Variants in ZNF737 observed in about 807,000 individuals in gnomAD.
The protein encoded by ZNF737 is zinc finger protein 102 (Y3).
A neutral mutation model predicts 11.7 loss-of-function variants in ZNF737; 13 were observed. The ratio of observed to expected loss-of-function variants is 1.11; its 90% CI spans 0.73 to 1.77. The LOEUF (loss-of-function observed/expected upper bound fraction) is 1.77. ZNF737 is among the 40% of genes most tolerant of loss of function. The pLI is 0.00. For synonymous variants in ZNF737, 217 were observed against 216.2 expected (o/e 1.00, Z -0.03); for missense variants, 636 against 638.0 (o/e 1.00, Z 0.03).
intron 3 of ZNF737, among the ~76,000 whole-genome samples, chr19:20,549,732 C>T (rs989840293): frequency 8.1e-6 from 1 of 123,344 alleles, no homozygotes; most frequent in Non-Finnish European, 1.8e-5. Context: ...GAGTTCAAGA[C>T]CAGCCTGGCC....
In ZNF737 at chr19:20,542,626, TTG is replaced by T. The variant is rs1968260957; in HGVS notation, c.*1964_*1965del. The T allele has an allele frequency of 2.4e-5, 23 of 974,084 alleles. No individual in the cohort carries two copies. The Admixed American group carries it at 3.1e-4, about 13-fold the overall frequency. The allele number at this position is 974,084 out of a possible 1,614,324, so 60.3% of individuals were successfully genotyped here. ...TTTTAATATACTTTTAATTATTTCT[TTG>T]TGTCACTATAATAAAGTATTGCTCT... On this transcript the variant is annotated 3_prime_UTR_variant, in exon 4 of 4. Coordinates refer to ENST00000427401, the MANE Select transcript of ZNF737 (RefSeq NM_001159293.2).
downstream of ZNF737, among the ~76,000 whole-genome samples, chr19:20,531,310 T>G (rs1967822949): frequency 6.7e-6 from 1 of 148,356 alleles, no homozygotes; most frequent in African/African-American, 2.5e-5. Flanking sequence ...TTCGAACGCC[T>G]CCAACACTAT....
intron 3 of ZNF737, chr19:20,551,243 T>A (rs574351682): frequency 2.0e-5 from 3 of 152,000 alleles, no homozygotes; most frequent in African/African-American, 7.2e-5. Flanking sequence ...CTTGCCAACA[T>A]GGTGAAACCC....
chr19:20,534,250 T>A (rs1236257001), downstream of ZNF737, among the ~76,000 whole-genome samples: 1 of 150,042 alleles, frequency 6.7e-6, no homozygotes, highest in Non-Finnish European at 1.5e-5. Context: ...GAGACCAGTC[T>A]GGCCAATACA....
downstream of ZNF737, among the ~76,000 whole-genome samples, chr19:20,534,666 A>T (rs187610202): frequency 1.6e-3 from 235 of 150,234 alleles, 14 homozygotes; most frequent in Non-Finnish European, 2.7e-3. Context: ...ATACATATCA[A>T]AAAATCTACT....
At position 20,544,031 on chromosome 19, in the gene ZNF737, G is replaced by A. The variant is rs1555755748; in HGVS notation, c.*561C>T. 1.4e-6 allele frequency: 1 copy of A among 690,726 alleles called. No individual in the cohort carries two copies. The highest frequency in any genetic ancestry group is 1.8e-6 in the Non-Finnish European group (1 of 561,248). 42.8% of individuals were successfully genotyped at this position (690,726 alleles called of 1,614,324 possible). On this transcript the variant is annotated 3_prime_UTR_variant, in exon 4 of 4. Coordinates refer to ENST00000427401, the MANE Select transcript of ZNF737 (RefSeq NM_001159293.2). ...TAATCCCAGCTACTCAGGAAGCTGA[G>A]GTAGGAGAATGGCTTAAACCCAGGA... is the stretch of plus-strand genomic sequence containing the variant.
intron 1 of ZNF737, among the ~76,000 whole-genome samples, chr19:20,558,654 G>A (rs903372081): frequency 6.6e-6 from 1 of 152,102 alleles, no homozygotes; most frequent in Non-Finnish European, 1.5e-5. Context: ...ATGAGGGGAT[G>A]AAAAAACACA....
downstream of ZNF737, among the ~76,000 whole-genome samples, chr19:20,531,965 TTC>T (rs1334420082): frequency 2.0e-5 from 3 of 150,262 alleles, no homozygotes; most frequent in Non-Finnish European, 4.4e-5. Context: ...GTAGAATTAC[TTC>T]TTTTTTCTTT....
chr19:20,547,641 T>C (rs1156418887), intron 3 of ZNF737, among the ~76,000 whole-genome samples: 3 of 152,080 alleles, frequency 2.0e-5, no homozygotes, highest in Non-Finnish European at 4.4e-5. Flanking sequence ...ATAAAATGCT[T>C]AAACATAAAA....
rs1269836300 is a variant in ZNF737 at position 20,541,095 on chromosome 19, A to G, written c.*3497T>C. 2.0e-6 allele frequency: 2 copies of G among 984,890 alleles called. No homozygotes were observed. Among genetic ancestry groups the G allele is most frequent in the Middle Eastern group, 5.2e-4 (1 of 1,914 alleles). 61.0% of individuals were successfully genotyped at this position (984,890 alleles called of 1,614,324 possible). ...TAGGCAGACTCTGGGGAGAATCCGA[A>G]TCACAGGCCAGAACATTTTATATTA... On this transcript the variant is annotated 3_prime_UTR_variant, in exon 4 of 4. Transcript: ENST00000427401.
chr19:20,537,018 G>A (rs1045069662), downstream of ZNF737, among the ~76,000 whole-genome samples: 4 of 151,982 alleles, frequency 2.6e-5, no homozygotes, highest in Non-Finnish European at 4.4e-5. Flanking sequence ...CAGGAGAATC[G>A]CTTAAACCCG....
chr19:20,534,941 C>T (rs1212609338), downstream of ZNF737, among the ~76,000 whole-genome samples: 33 of 150,094 alleles, frequency 2.2e-4, 1 homozygote, highest in Admixed American at 2.0e-4. Context: ...ATTTTGAAAA[C>T]TTATTTTTTA....
At chr19:20,556,151 C>T (rs1353205942) in intron 1 of ZNF737, among the ~76,000 whole-genome samples, 2 of 152,146 alleles carry the variant, frequency 1.3e-5, no homozygotes, top group African/African-American at 4.8e-5. Flanking sequence ...ACTGACCTGT[C>T]CCTACCAAAC....
Position 20,545,415 on chromosome 19 carries a change from C to G in ZNF737, c.788G>C (p.Gly263Ala). 1.2e-6 allele frequency: 2 copies of G among 1,613,876 alleles called. No individual in the cohort carries two copies. The highest frequency in any genetic ancestry group is 1.7e-6 in the Non-Finnish European group (2 of 1,179,926). The change falls in exon 4 of 4, where the codon GGC becomes GCC. Residue 263 changes from glycine to alanine, a missense_variant. Gly to Ala is a moderately conservative substitution (Grantham distance 60). Coordinates refer to ENST00000427401, the MANE Select transcript of ZNF737 (RefSeq NM_001159293.2). ...GTTAGAGGAGCGCTTAAAGGCCTTG[C>G]CACATTCTTCACATTTGTAGGGTTT... ...GEKPYKCEEC[G>A]KAFKRSSNLT...
intron 1 of ZNF737, among the ~76,000 whole-genome samples, chr19:20,565,262 A>C (rs782046435): frequency 6.6e-6 from 1 of 152,118 alleles, no homozygotes; most frequent in Non-Finnish European, 1.5e-5. Context: ...CAGAAAACAG[A>C]AACTGTGAAC....
At chr19:20,564,744 T>C (rs1399548428) in intron 1 of ZNF737, among the ~76,000 whole-genome samples, 1 of 152,014 alleles carries the variant, frequency 6.6e-6, no homozygotes, top group Non-Finnish European at 1.5e-5. Context: ...GGAAAATCAG[T>C]CCGCTGTGGC....
rs569557060 is a variant in ZNF737 at position 20,544,249 on chromosome 19, T to A, written c.*343A>T. On this transcript the variant is annotated 3_prime_UTR_variant, in exon 4 of 4. Coordinates refer to ENST00000427401, the MANE Select transcript of ZNF737 (RefSeq NM_001159293.2). ...AGAACTTCCTAAAAGCGTTGTCACATTCTTTATATTTGTAGGGTTTATGTT... is the reference window on the plus strand; with the variant it reads ...AGAACTTCCTAAAAGCGTTGTCACAATCTTTATATTTGTAGGGTTTATGTT... The A allele has an allele frequency of 9.3e-7, 1 of 1,073,638 alleles. No homozygotes were observed. Among genetic ancestry groups the A allele is most frequent in the South Asian group, 3.4e-5 (1 of 29,462 alleles). The allele number at this position is 1,073,638 out of a possible 1,614,324, so 66.5% of individuals were successfully genotyped here.
At chr19:20,532,383 T>A (rs573966303), downstream of ZNF737, among the ~76,000 whole-genome samples, 340 of 150,128 alleles carry the variant, frequency 2.3e-3, 17 homozygotes, top group African/African-American at 8.0e-3. Context: ...AGGTTTTTTT[T>A]AAGGGTCATA....
In ZNF737 at chr19:20,538,491, G is replaced by T; in HGVS notation, c.*6101C>A. On this transcript the variant is annotated 3_prime_UTR_variant, in exon 4 of 4. Transcript: ENST00000427401. ...GAAAACCAGACACAGCAGTAGGGTGGACACGTCAAGTTATAAATGACTCTG... is the reference window on the plus strand; with the variant it reads ...GAAAACCAGACACAGCAGTAGGGTGTACACGTCAAGTTATAAATGACTCTG... The T allele has an allele frequency of 4.8e-6, 1 of 206,344 alleles. No homozygotes were observed. The highest frequency in any genetic ancestry group is 8.5e-6 in the Non-Finnish European group (1 of 117,608). The allele number at this position is 206,344 out of a possible 1,614,324, so 12.8% of individuals were successfully genotyped here. A position where few individuals can be genotyped will look rare whatever the true frequency, so the allele number is the denominator to read the frequency against.
Sources: allele counts gnomAD v4.1 joint callset (sites outside exome capture counted in the v4.1 genomes callset), GRCh38; gene constraint gnomAD v4.1.1; transcripts MANE v1.5; gene names NCBI Gene and HGNC (gene_info 2026-07-23, HGNC 2026-07-21).